The following KLF12 variants were observed in gnomAD, a reference collection of about 807,000 sequenced individuals.
KLF12 encodes the protein KLF transcription factor 12, also known as Krueppel-like factor 12.
Under a neutral mutation model 37.8 loss-of-function variants are expected in KLF12, and 9 were observed. The ratio of observed to expected loss-of-function variants is 0.24; its 90% CI spans 0.14 to 0.42. The LOEUF (loss-of-function observed/expected upper bound fraction) is 0.42, where lower values mean the gene tolerates loss of function less well. KLF12 is among the 10% of genes least tolerant of loss of function. The pLI is 1.00. For missense variants in KLF12, 411 were observed against 516.0 expected, an observed-to-expected ratio of 0.80 and a Z score of 1.97; for synonymous variants, 208 against 202.1, an observed-to-expected ratio of 1.03 and a Z score of -0.25.
intron 1 of KLF12, among the ~76,000 whole-genome samples, chr13:74,001,422 T>C (rs1892278470): frequency 6.6e-6 from 1 of 152,216 alleles, no homozygotes; most frequent in South Asian, 2.1e-4. Context: ...AGCCTAAGAA[T>C]TTCTCTACTA....
chr13:74,029,492 C>T (rs994070025), intron 1 of KLF12, among the ~76,000 whole-genome samples: 3 of 152,046 alleles, frequency 2.0e-5, no homozygotes, highest in African/African-American at 7.2e-5. Context: ...TCAGACTTAA[C>T]TACACCAGGA....
chr13:73,873,274 A>G (rs1367397073), intron 3 of KLF12, among the ~76,000 whole-genome samples: 1 of 152,200 alleles, frequency 6.6e-6, no homozygotes, highest in East Asian at 1.9e-4. Flanking sequence ...AATAAACAAA[A>G]GGGTGAATAA....
the KLF12 span, among the ~76,000 whole-genome samples, chr13:74,296,438 T>C: frequency 3.9e-5 from 6 of 152,148 alleles, no homozygotes; most frequent in Admixed American, 3.3e-4. Context: ...GTTAGTGTCT[T>C]TATTAGAGAA....
chr13:73,954,922 A>C (rs1890782639), intron 2 of KLF12, among the ~76,000 whole-genome samples: 1 of 152,222 alleles, frequency 6.6e-6, no homozygotes, highest in African/African-American at 2.4e-5. Flanking sequence ...AGAATTCTGT[A>C]CACTTTCATT....
chr13:74,239,191 G>T, the KLF12 span, among the ~76,000 whole-genome samples: 1 of 150,398 alleles, frequency 6.6e-6, no homozygotes, highest in Non-Finnish European at 1.5e-5. Context: ...CCTTCATTTC[G>T]TTATGTACCC....
At chr13:73,849,209 T>C (rs1885185072) in intron 3 of KLF12, among the ~76,000 whole-genome samples, 1 of 151,952 alleles carries the variant, frequency 6.6e-6, no homozygotes, top group South Asian at 2.1e-4. Context: ...ATTTCTTTAC[T>C]TTTAGGAAAT....
At chr13:73,748,155 C>CA (rs1878500054) in intron 6 of KLF12, among the ~76,000 whole-genome samples, 2 of 152,262 alleles carry the variant, frequency 1.3e-5, no homozygotes, top group Admixed American at 1.3e-4. Context: ...CACCTGGGAG[C>CA]AAATTACTGA....
At chr13:73,843,282 G>A (rs1325158249) in intron 4 of KLF12, among the ~76,000 whole-genome samples, 1 of 151,746 alleles carries the variant, frequency 6.6e-6, no homozygotes, top group East Asian at 1.9e-4. Flanking sequence ...GATAATTGAT[G>A]GATGCTAGAC....
At chr13:73,931,125 T>C (rs538899205) in intron 3 of KLF12, among the ~76,000 whole-genome samples, 2 of 152,278 alleles carry the variant, frequency 1.3e-5, no homozygotes, top group East Asian at 3.9e-4. Flanking sequence ...CCCAAAGTGC[T>C]GGCATTACAG....
intron 1 of KLF12, among the ~76,000 whole-genome samples, chr13:74,061,645 C>A (rs1275169515): frequency 6.6e-6 from 1 of 152,172 alleles, no homozygotes; most frequent in African/African-American, 2.4e-5. Flanking sequence ...AATTACTCTG[C>A]AACCTCTGCC....
the KLF12 span, among the ~76,000 whole-genome samples, chr13:74,181,220 G>C: frequency 6.6e-6 from 1 of 151,780 alleles, no homozygotes; most frequent in Non-Finnish European, 1.5e-5. Flanking sequence ...GGCTGGACTC[G>C]AACTCCTGAC....
At chr13:73,727,870 GTATT>G (rs1045690196) in intron 6 of KLF12, among the ~76,000 whole-genome samples, 22 of 152,078 alleles carry the variant, frequency 1.4e-4, no homozygotes, top group African/African-American at 4.6e-4. Flanking sequence ...GCTAATTTTT[GTATT>G]TTAGTAGAGA....
intron 1 of KLF12, among the ~76,000 whole-genome samples, chr13:74,050,851 G>A (rs1872871433): frequency 6.6e-6 from 1 of 152,004 alleles, no homozygotes; most frequent in African/African-American, 2.4e-5. Flanking sequence ...AAATATAAAA[G>A]GAACTCAATA....
chr13:74,151,150 G>A, the KLF12 span, among the ~76,000 whole-genome samples: 3 of 152,312 alleles, frequency 2.0e-5, no homozygotes, highest in East Asian at 3.9e-4. Context: ...AATTGCAAGT[G>A]TGGATAGAGA....
At chr13:74,033,999 C>G (rs1477215109) in intron 1 of KLF12, among the ~76,000 whole-genome samples, 1 of 149,954 alleles carries the variant, frequency 6.7e-6, no homozygotes, top group Non-Finnish European at 1.5e-5. Context: ...TCTTGGACTA[C>G]CAGTGACATT....
In KLF12 at chr13:73,842,934, T is replaced by C. The variant is rs374157616; in HGVS notation, c.670+2893A>G. On this transcript the variant is annotated intron_variant, in intron 4 of 7. Coordinates refer to ENST00000377669, the MANE Select transcript of KLF12 (RefSeq NM_007249.5). ...TTCTTCCACTAGACAGTTTTACTAT[T>C]ACCTAATTAATCAGTTAAGCAATAA... is the stretch of plus-strand genomic sequence containing the variant. 5.3e-5 allele frequency among the ~76,000 whole-genome samples: 8 copies of C among 152,328 alleles called. No homozygotes were observed. In the East Asian group the frequency reaches 7.7e-4, roughly 15 times the overall value.
At chr13:73,873,604 T>C (rs1886574211) in intron 3 of KLF12, among the ~76,000 whole-genome samples, 1 of 152,174 alleles carries the variant, frequency 6.6e-6, no homozygotes, top group Non-Finnish European at 1.5e-5. Context: ...TTATATTGGT[T>C]TTTGTGGATT....
In KLF12 at chr13:73,690,678, T is replaced by C. The variant is rs927634944; in HGVS notation, c.*4812A>G. 6.6e-6 allele frequency: 1 copy of C among 152,282 alleles called. No individual in the cohort carries two copies. The highest frequency in any genetic ancestry group is 2.4e-5 in the African/African-American group (1 of 41,454). 9.4% of individuals were successfully genotyped at this position (152,282 alleles called of 1,614,324 possible). ...AGAGTTCCCATGGCAATTTCACTCA[T>C]TGTGTGTAAGATATACAAGGCATAT... On this transcript the variant is annotated 3_prime_UTR_variant, in exon 8 of 8. Coordinates refer to ENST00000377669, the MANE Select transcript of KLF12 (RefSeq NM_007249.5).
At chr13:74,246,683 C>T in the KLF12 span, among the ~76,000 whole-genome samples, 1 of 152,228 alleles carries the variant, frequency 6.6e-6, no homozygotes, top group Non-Finnish European at 1.5e-5. Flanking sequence ...AAGATCACCT[C>T]AGTGGCGTTT....
Sources: allele counts gnomAD v4.1 joint callset (sites outside exome capture counted in the v4.1 genomes callset), GRCh38; gene constraint gnomAD v4.1.1; transcripts MANE v1.5; gene names NCBI Gene and HGNC (gene_info 2026-07-23, HGNC 2026-07-21).